Variants in CCDC60 observed in about 807,000 individuals in gnomAD.
CCDC60 encodes coiled-coil domain containing 60, also known as coiled-coil domain-containing protein 60.
CCDC60 carries 54 observed loss-of-function variants against 63.5 expected under a neutral mutation model. That is an observed-to-expected ratio of 0.85 (90% confidence interval 0.68 to 1.07). CCDC60 has a LOEUF of 1.07. Among genes scored for constraint, CCDC60 ranks in the 50% least tolerant of loss-of-function variants. CCDC60 has a pLI of 0.00. For synonymous variants in CCDC60, 206 were observed against 238.8 expected (o/e 0.86, Z 1.27); for missense variants, 651 against 684.3 (o/e 0.95, Z 0.54).
chr12:119,379,171 C>T (rs185043420), intron 1 of CCDC60, among the ~76,000 whole-genome samples: 11 of 152,316 alleles, frequency 7.2e-5, no homozygotes, highest in South Asian at 2.1e-4. Context: ...GTTGTTGCTG[C>T]GGAAGGCCAC....
chr12:119,342,624 AG>A (rs1183965407), intron 1 of CCDC60, among the ~76,000 whole-genome samples: 7 of 152,228 alleles, frequency 4.6e-5, no homozygotes, highest in Non-Finnish European at 1.0e-4. Flanking sequence ...CCCATCAAAG[AG>A]CTGTGGGGGT....
chr12:119,517,815 C>T (rs12316379), intron 8 of CCDC60, among the ~76,000 whole-genome samples: 1 of 152,170 alleles, frequency 6.6e-6, no homozygotes, highest in Non-Finnish European at 1.5e-5. Flanking sequence ...AGACTTGAAC[C>T]TAAGACATCC....
At chr12:119,524,897 C>T (rs1035666973) in intron 11 of CCDC60, among the ~76,000 whole-genome samples, 14 of 151,784 alleles carry the variant, frequency 9.2e-5, no homozygotes, top group Admixed American at 9.2e-4. Flanking sequence ...AACTCCTGGC[C>T]TCAAGCAGTC....
chr12:119,360,170 C>A (rs1396756723), intron 1 of CCDC60, among the ~76,000 whole-genome samples: 2 of 150,628 alleles, frequency 1.3e-5, no homozygotes, highest in East Asian at 4.0e-4. Flanking sequence ...GGGCTGACCC[C>A]CCCCCACCTC....
chr12:119,496,064 G>A (rs1295716078), intron 5 of CCDC60, among the ~76,000 whole-genome samples: 3 of 152,134 alleles, frequency 2.0e-5, no homozygotes, highest in Admixed American at 6.5e-5. Context: ...TGTGGAGTGG[G>A]AGAATGTGGC....
At chr12:119,531,998 G>A (rs1952855394) in intron 13 of CCDC60, among the ~76,000 whole-genome samples, 1 of 152,118 alleles carries the variant, frequency 6.6e-6, no homozygotes, top group Non-Finnish European at 1.5e-5. Flanking sequence ...AAATTCCCAG[G>A]CCTTGACAGG....
rs557842903 is a variant in CCDC60, at chr12:119,388,619, C to T, written c.91-40064C>T. Among the ~76,000 whole-genome samples, 41 of 152,282 alleles carry T rather than the reference C, an allele frequency of 2.7e-4. 1 individual carries two copies. The South Asian group carries it at 8.3e-3, about 31-fold the overall frequency. ...TTTGTATTATTTGCCCTATTTTCTA[C>T]TAGGTAGTTTGCTCTCTTTTCATTG... On this transcript the variant is annotated intron_variant, in intron 1 of 13. Coordinates refer to ENST00000327554, the MANE Select transcript of CCDC60 (RefSeq NM_178499.5).
chr12:119,387,023 C>G (rs1480740126), intron 1 of CCDC60, among the ~76,000 whole-genome samples: 7 of 99,066 alleles, frequency 7.1e-5, no homozygotes, highest in Non-Finnish European at 1.2e-4. Context: ...CTCCCTCCCC[C>G]TCTGTCTCTC....
intron 2 of CCDC60, among the ~76,000 whole-genome samples, chr12:119,440,678 G>A (rs1301311454): frequency 3.3e-5 from 5 of 152,142 alleles, no homozygotes; most frequent in Admixed American, 6.5e-5. Context: ...GTAGTCTCAG[G>A]ATCGACACCT....
intron 12 of CCDC60, among the ~76,000 whole-genome samples, chr12:119,530,273 T>TC (rs1386463456): frequency 1.3e-5 from 2 of 151,424 alleles, no homozygotes; most frequent in Non-Finnish European, 2.9e-5. Context: ...GGGAGTTTTT[T>TC]TTTTTTTAAG....
chr12:119,538,143 G>A (rs1485923274), intron 13 of CCDC60, among the ~76,000 whole-genome samples: 1 of 152,198 alleles, frequency 6.6e-6, no homozygotes, highest in East Asian at 1.9e-4. Context: ...CCCTCCCCCT[G>A]CCAGGCTGCT....
At chr12:119,435,561 G>T (rs928509339) in intron 2 of CCDC60, among the ~76,000 whole-genome samples, 2 of 152,190 alleles carry the variant, frequency 1.3e-5, no homozygotes, top group Admixed American at 6.5e-5. Flanking sequence ...CTCAGTGCTT[G>T]GCACAGAGTG....
chr12:119,472,762 T>C (rs943146339), intron 3 of CCDC60, among the ~76,000 whole-genome samples: 1 of 151,868 alleles, frequency 6.6e-6, no homozygotes, highest in Non-Finnish European at 1.5e-5. Flanking sequence ...TTTGTATTTT[T>C]AATAGAGACG....
At chr12:119,534,909 T>C (rs1371861676) in intron 13 of CCDC60, among the ~76,000 whole-genome samples, 1 of 152,248 alleles carries the variant, frequency 6.6e-6, no homozygotes, top group East Asian at 1.9e-4. Context: ...CAGGCTTTGG[T>C]ATCAGGATGA....
intron 2 of CCDC60, among the ~76,000 whole-genome samples, chr12:119,461,421 G>C (rs1387960860): frequency 6.6e-6 from 1 of 152,116 alleles, no homozygotes; most frequent in African/African-American, 2.4e-5. Flanking sequence ...CAAGTCCAAA[G>C]GTGCTTAGAA....
At chr12:119,381,531 C>G (rs769803789) in intron 1 of CCDC60, among the ~76,000 whole-genome samples, 1 of 152,190 alleles carries the variant, frequency 6.6e-6, no homozygotes, top group Non-Finnish European at 1.5e-5. Flanking sequence ...CTTTGGAAAA[C>G]CAGATCCTCA....
At chr12:119,511,717 G>A (rs1244353469) in intron 7 of CCDC60, among the ~76,000 whole-genome samples, 1 of 152,180 alleles carries the variant, frequency 6.6e-6, no homozygotes, top group Non-Finnish European at 1.5e-5. Flanking sequence ...TGCTCTAGAA[G>A]GACTGCTTGA....
At chr12:119,531,165 T>A in intron 13 of CCDC60, 102 bp downstream of exon 13, 14 of 1,013,544 alleles carry the variant, frequency 1.4e-5, no homozygotes, top group Middle Eastern at 3.2e-4. Flanking sequence ...CAAAGTCCCC[T>A]GCCTTTATGG....
At chr12:119,419,907 G>A (rs558418463) in intron 1 of CCDC60, among the ~76,000 whole-genome samples, 6 of 124,914 alleles carry the variant, frequency 4.8e-5, no homozygotes, top group South Asian at 2.5e-4. Context: ...ACAGAGTCTC[G>A]CTCTGTCGCC....
Sources: gnomAD v4.1 joint callset for allele counts (sites outside exome capture counted in the v4.1 genomes callset) on GRCh38, gnomAD v4.1.1 for gene constraint, MANE v1.5 for transcripts, NCBI Gene and HGNC (gene_info 2026-07-23, HGNC 2026-07-21) for gene names.